The following ST6GALNAC3 variants were observed in gnomAD, a reference collection of about 807,000 sequenced individuals.
ST6GALNAC3 encodes ST6 N-acetylgalactosaminide alpha-2,6-sialyltransferase 3.
Under a neutral mutation model 32.7 loss-of-function variants are expected in ST6GALNAC3, and 25 were observed. The observed-to-expected ratio is 0.76, with a 90% confidence interval of 0.56 to 1.07. The LOEUF is 1.07. ST6GALNAC3 is among the 50% of genes least tolerant of loss of function. The pLI, the probability that ST6GALNAC3 is intolerant of heterozygous loss-of-function variation, is 0.00. For synonymous variants in ST6GALNAC3, 129 were observed against 133.1 expected (o/e 0.97, Z 0.21); for missense variants, 355 against 382.4 (o/e 0.93, Z 0.60).
chr1:76,181,371 T>C (rs7528766), intron 1 of ST6GALNAC3, among the ~76,000 whole-genome samples: 29,909 of 152,172 alleles, frequency 0.2, 3,063 homozygotes, highest in African/African-American at 0.22. Flanking sequence ...TCTAAAAAAG[T>C]GTAGGCTACC....
At chr1:76,238,831 A>G (rs1238138521) in intron 1 of ST6GALNAC3, among the ~76,000 whole-genome samples, 1 of 152,164 alleles carries the variant, frequency 6.6e-6, no homozygotes, top group African/African-American at 2.4e-5. Context: ...ACTTACTGAC[A>G]ACGTCTAGGG....
intron 3 of ST6GALNAC3, among the ~76,000 whole-genome samples, chr1:76,498,807 C>T (rs1661008664): frequency 1.3e-5 from 2 of 151,890 alleles, no homozygotes; most frequent in African/African-American, 4.8e-5. Context: ...TCCAAGGTCA[C>T]TTGGCTGGAA....
chr1:76,260,901 T>TA, intron 1 of ST6GALNAC3, among the ~76,000 whole-genome samples: 1 of 151,836 alleles, frequency 6.6e-6, no homozygotes, highest in Non-Finnish European at 1.5e-5. Context: ...GTGCCTTTTT[T>TA]AAAAAATAGA....
At chr1:76,437,295 C>T (rs1274862949) in intron 3 of ST6GALNAC3, among the ~76,000 whole-genome samples, 1 of 152,122 alleles carries the variant, frequency 6.6e-6, no homozygotes, top group Non-Finnish European at 1.5e-5. Flanking sequence ...TCAGCTTTCT[C>T]AGGTCTCTCG....
intron 1 of ST6GALNAC3, among the ~76,000 whole-genome samples, chr1:76,162,422 A>G (rs745685700): frequency 4.6e-5 from 7 of 152,224 alleles, no homozygotes; most frequent in Non-Finnish European, 1.0e-4. Flanking sequence ...CCTAATGATT[A>G]ATAACATGGC....
chr1:76,181,720 T>C (rs1281275766), intron 1 of ST6GALNAC3, among the ~76,000 whole-genome samples: 1 of 152,228 alleles, frequency 6.6e-6, no homozygotes, highest in Non-Finnish European at 1.5e-5. Context: ...CCAGGTTTGG[T>C]GTCAGCCACA....
At chr1:76,488,606 A>G (rs1371218036) in intron 3 of ST6GALNAC3, among the ~76,000 whole-genome samples, 1 of 152,208 alleles carries the variant, frequency 6.6e-6, no homozygotes, top group Non-Finnish European at 1.5e-5. Context: ...GAATAAATAA[A>G]TTCATGGGTG....
chr1:76,131,862 T>G (rs1476306615), intron 1 of ST6GALNAC3, among the ~76,000 whole-genome samples: 1 of 152,188 alleles, frequency 6.6e-6, no homozygotes, highest in Non-Finnish European at 1.5e-5. Context: ...CAGTGCATAT[T>G]CCTGCAGGTG....
At chr1:76,378,490 C>A (rs975879180) in intron 2 of ST6GALNAC3, among the ~76,000 whole-genome samples, 1 of 151,930 alleles carries the variant, frequency 6.6e-6, no homozygotes, top group Non-Finnish European at 1.5e-5. Flanking sequence ...GAGGAAATGC[C>A]GTCTCTAATA....
At chr1:76,542,461 A>T (rs1227746354) in intron 3 of ST6GALNAC3, among the ~76,000 whole-genome samples, 2 of 152,294 alleles carry the variant, frequency 1.3e-5, no homozygotes, top group African/African-American at 4.8e-5. Flanking sequence ...GCTCTAATTT[A>T]AGAAATTGCC....
intron 1 of ST6GALNAC3, among the ~76,000 whole-genome samples, chr1:76,273,863 T>A (rs985543452): frequency 6.6e-6 from 1 of 152,190 alleles, no homozygotes; most frequent in African/African-American, 2.4e-5. Flanking sequence ...GGAAGTTTAT[T>A]TCCCTCCACA....
chr1:76,443,778 T>C (rs1656778700), intron 3 of ST6GALNAC3, among the ~76,000 whole-genome samples: 1 of 152,236 alleles, frequency 6.6e-6, no homozygotes. Context: ...GATATTATGA[T>C]AGAAAGTAGC....
chr1:76,633,200 TCTC>T lies in ST6GALNAC3; in HGVS notation c.*4395_*4397del. On this transcript the variant is annotated 3_prime_UTR_variant, in exon 5 of 5. Coordinates refer to ENST00000328299, the MANE Select transcript of ST6GALNAC3 (RefSeq NM_152996.4). ...CTCAAATTCTTGTCTCATGTTTTCT[TCTC>T]TAGTGCTTTTTCCACTACACTTTTT... 1 of 152,296 alleles carries T rather than the reference TCTC, an allele frequency of 6.6e-6. No individual in the cohort carries two copies. 9.4% of individuals were successfully genotyped at this position (152,296 alleles called of 1,614,324 possible).
intron 3 of ST6GALNAC3, among the ~76,000 whole-genome samples, chr1:76,423,451 G>A (rs1655166845): frequency 6.6e-6 from 1 of 151,782 alleles, no homozygotes; most frequent in African/African-American, 2.4e-5. Flanking sequence ...GGTGGTATGA[G>A]GGAAGCATAC....
intron 1 of ST6GALNAC3, among the ~76,000 whole-genome samples, chr1:76,152,677 G>A (rs1235319116): frequency 2.6e-5 from 4 of 152,142 alleles, no homozygotes; most frequent in Non-Finnish European, 5.9e-5. Context: ...AATTTAAACC[G>A]TAAACATTTA....
chr1:76,544,332 A>T (rs1194698093), intron 3 of ST6GALNAC3, among the ~76,000 whole-genome samples: 2 of 152,158 alleles, frequency 1.3e-5, no homozygotes, highest in African/African-American at 4.8e-5. Context: ...TGATGTTTTT[A>T]AAGAATTCCT....
intron 1 of ST6GALNAC3, among the ~76,000 whole-genome samples, chr1:76,085,064 C>T (rs375145455): frequency 7.9e-5 from 12 of 152,036 alleles, no homozygotes; most frequent in Middle Eastern, 3.4e-3. Context: ...CATGCAGCTC[C>T]TGAGTAAGAA....
At chr1:76,409,457 AT>A (rs1208119746) in intron 2 of ST6GALNAC3, among the ~76,000 whole-genome samples, 3 of 152,010 alleles carry the variant, frequency 2.0e-5, no homozygotes, top group Non-Finnish European at 4.4e-5. Context: ...AAAGAAACTA[AT>A]TTAAGTTAAT....
rs150557589 is a variant in ST6GALNAC3, at chr1:76,550,138, T to G, written c.624-77314T>G. On this transcript the variant is annotated intron_variant, in intron 3 of 4. Transcript: ENST00000328299. ...GTTGCTAGGCTTTTCATGTTGTTTA[T>G]GATGTTGCTTTATTAATAGCAGTAT... Among the ~76,000 whole-genome samples, 401 of 152,356 alleles carry G rather than the reference T, an allele frequency of 2.6e-3. 1 individual carries two copies. Among genetic ancestry groups the G allele is most frequent in the African/African-American group, 9.2e-3 (382 of 41,586 alleles).
Sources: gnomAD v4.1 joint callset for allele counts (sites outside exome capture counted in the v4.1 genomes callset) on GRCh38, gnomAD v4.1.1 for gene constraint, MANE v1.5 for transcripts, NCBI Gene and HGNC (gene_info 2026-07-23, HGNC 2026-07-21) for gene names.